Variants in KSR2 observed in about 807,000 individuals in gnomAD.
The protein encoded by KSR2 is kinase suppressor of ras 2.
A neutral mutation model predicts 107.8 loss-of-function variants in KSR2; 25 were observed. The ratio of observed to expected loss-of-function variants is 0.23; its 90% CI spans 0.17 to 0.32. The LOEUF is 0.32. KSR2 is among the 10% of genes least tolerant of loss of function. KSR2 has a pLI of 1.00. For synonymous variants in KSR2, 480 were observed against 507.0 expected (o/e 0.95, Z 0.71); for missense variants, 887 against 1,268.9 (o/e 0.70, Z 4.57).
At chr12:117,732,607 G>A (rs1229483932) in intron 4 of KSR2, among the ~76,000 whole-genome samples, 2 of 152,114 alleles carry the variant, frequency 1.3e-5, no homozygotes, top group Non-Finnish European at 2.9e-5. Context: ...TTACTGAGCA[G>A]CACTTAGAAA....
At chr12:117,559,670 T>C (rs1405505858) in intron 7 of KSR2, among the ~76,000 whole-genome samples, 1 of 151,916 alleles carries the variant, frequency 6.6e-6, no homozygotes, top group Non-Finnish European at 1.5e-5. Flanking sequence ...AGTTGAAGAG[T>C]TTAGAATGAT....
chr12:117,533,841 G>A (rs574841345), intron 10 of KSR2, among the ~76,000 whole-genome samples: 87 of 152,232 alleles, frequency 5.7e-4, no homozygotes, highest in African/African-American at 2.0e-3. Context: ...ACCAGCAAAT[G>A]CCTCCACACC....
At chr12:117,628,434 T>C (rs1882635478) in intron 5 of KSR2, among the ~76,000 whole-genome samples, 1 of 152,214 alleles carries the variant, frequency 6.6e-6, no homozygotes, top group Admixed American at 6.5e-5. Context: ...TGTTTTTTAG[T>C]TTTCCTTCTA....
chr12:117,690,727 C>T (rs1885777811), intron 4 of KSR2, among the ~76,000 whole-genome samples: 1 of 152,140 alleles, frequency 6.6e-6, no homozygotes, highest in African/African-American at 2.4e-5. Context: ...CTAACTGCTG[C>T]CAGCACACAG....
At chr12:117,706,831 A>C (rs1295770758) in intron 4 of KSR2, among the ~76,000 whole-genome samples, 1 of 152,226 alleles carries the variant, frequency 6.6e-6, no homozygotes, top group Non-Finnish European at 1.5e-5. Flanking sequence ...TACTGTCTAT[A>C]ACAATAAAAT....
At chr12:117,581,694 A>C (rs1879672880) in intron 6 of KSR2, among the ~76,000 whole-genome samples, 1 of 151,834 alleles carries the variant, frequency 6.6e-6, no homozygotes, top group African/African-American at 2.4e-5. Context: ...GTATATGCAA[A>C]CCCCCCTCCC....
chr12:117,535,313 G>T (rs10850839), intron 10 of KSR2, among the ~76,000 whole-genome samples: 47,828 of 152,102 alleles, frequency 0.31, 7,773 homozygotes, highest in Middle Eastern at 0.38. Context: ...AACATGTTGG[G>T]CTTTGAATGT....
At chr12:117,547,073 C>T (rs1297291693) in intron 9 of KSR2, among the ~76,000 whole-genome samples, 1 of 152,158 alleles carries the variant, frequency 6.6e-6, no homozygotes, top group Non-Finnish European at 1.5e-5. Context: ...TCAACTGAAG[C>T]CTGAACATGT....
chr12:117,708,458 C>T (rs950808415), intron 4 of KSR2, among the ~76,000 whole-genome samples: 1 of 152,140 alleles, frequency 6.6e-6, no homozygotes, highest in South Asian at 2.1e-4. Flanking sequence ...AGACCCAAAG[C>T]CAGTGATTCT....
intron 4 of KSR2, among the ~76,000 whole-genome samples, chr12:117,696,481 G>A (rs898205877): frequency 2.6e-5 from 4 of 151,718 alleles, no homozygotes; most frequent in Non-Finnish European, 5.9e-5. Context: ...ATTTCCCTTC[G>A]GCAAGAAGAG....
intron 1 of KSR2, among the ~76,000 whole-genome samples, chr12:117,895,176 G>A (rs748303445): frequency 6.6e-6 from 1 of 152,126 alleles, no homozygotes; most frequent in Non-Finnish European, 1.5e-5. Context: ...CTTTGAGGCT[G>A]CAGTGGCCCA....
At chr12:117,967,398 AT>A (rs199997820) in intron 1 of KSR2, among the ~76,000 whole-genome samples, 10 of 151,056 alleles carry the variant, frequency 6.6e-5, no homozygotes, top group Non-Finnish European at 1.2e-4. Flanking sequence ...ATTGAGGCAT[AT>A]TTTTTTTTCC....
intron 4 of KSR2, among the ~76,000 whole-genome samples, chr12:117,732,282 C>T (rs1194603803): frequency 7.3e-5 from 11 of 151,070 alleles, no homozygotes; most frequent in Admixed American, 7.3e-4. Flanking sequence ...TGTCTGCTTC[C>T]TGAATTTTTT....
chr12:117,866,335 G>A (rs1258620813), intron 1 of KSR2, among the ~76,000 whole-genome samples: 1 of 152,158 alleles, frequency 6.6e-6, no homozygotes, highest in Non-Finnish European at 1.5e-5. Context: ...TTATAGGCAT[G>A]GGCCACTGCT....
intron 1 of KSR2, among the ~76,000 whole-genome samples, chr12:117,934,889 G>C (rs567726120): frequency 4.9e-4 from 75 of 152,186 alleles, no homozygotes; most frequent in Non-Finnish European, 7.5e-4. Context: ...GCAGTGGTAC[G>C]AGCATGGCTC....
chr12:117,727,915 G>A (rs954968719), intron 4 of KSR2, among the ~76,000 whole-genome samples: 4 of 152,268 alleles, frequency 2.6e-5, no homozygotes, highest in Non-Finnish European at 5.9e-5. Flanking sequence ...TACAACACAC[G>A]GATGTATCTC....
chr12:117,469,589 C>A, intron 19 of KSR2, 73 bp downstream of exon 19: 4 of 1,550,590 alleles, frequency 2.6e-6, no homozygotes, highest in Non-Finnish European at 2.6e-6. Flanking sequence ...AAAAAAGATG[C>A]AGAGGGGATC....
chr12:117,477,987 G>T (rs2137126971), intron 16 of KSR2, among the ~76,000 whole-genome samples: 1 of 152,264 alleles, frequency 6.6e-6, no homozygotes, highest in Admixed American at 6.5e-5. Flanking sequence ...TTCCATGTGG[G>T]TCTGAAATCT....
At chr12:117,648,818 TCAGCCAAACAGAAAATATGCC>T (rs1883767069) in intron 5 of KSR2, among the ~76,000 whole-genome samples, 1 of 152,144 alleles carries the variant, frequency 6.6e-6, no homozygotes, top group African/African-American at 2.4e-5. Context: ...GGAAATATGC[TCAGCCAAACAGAAAATATGCC>T]CAGCCAATCA....
Sources: allele counts gnomAD v4.1 joint callset (sites outside exome capture counted in the v4.1 genomes callset), GRCh38; gene constraint gnomAD v4.1.1; transcripts MANE v1.5; gene names NCBI Gene and HGNC (gene_info 2026-07-23, HGNC 2026-07-21).